The following MAGEF1 variants were observed in gnomAD, a reference collection of about 807,000 sequenced individuals.
MAGEF1 encodes MAGE family member F1, also known as melanoma-associated antigen F1.
For synonymous variants in MAGEF1, 150 were observed against 163.6 expected (o/e 0.92, Z 0.63); for missense variants, 418 against 399.5 (o/e 1.05, Z -0.39).
In MAGEF1 at chr3:184,711,549, G is replaced by C. The variant is rs755644933; in HGVS notation, c.273C>G (p.Asp91Glu). The change falls in exon 1 of 1, where the codon GAC (aspartate) becomes GAG (glutamate). Residue 91 changes from aspartate to glutamate, a missense_variant. By Grantham distance (45) the Asp-to-Glu change is conservative. Transcript: ENST00000317897. ...AELVQFLLVK[D>E]KKKSPITRSE... is the part of the protein sequence containing the mutation. The stretch of plus-strand genomic sequence containing the variant: ...AGCGTGTGATGGGACTCTTCTTCTT[G>C]TCTTTCACCAGGAGGAACTGCACCA... 1 of 1,614,216 alleles carries C rather than the reference G, an allele frequency of 6.2e-7. No homozygotes were observed. Among genetic ancestry groups the C allele is most frequent in the Admixed American group, 1.7e-5 (1 of 60,028 alleles).
In MAGEF1 at chr3:184,710,835, A is replaced by G. The variant is rs1712192451; in HGVS notation, c.*63T>C. ...ATAAGACCCTCGCCCCACCCATATT[A>G]CTTATGACTCAGGACAGTAGTTCGT... is the stretch of plus-strand genomic sequence containing the variant. On this transcript the variant is annotated 3_prime_UTR_variant, in exon 1 of 1. Transcript: ENST00000317897. 6.7e-7 allele frequency: 1 copy of G among 1,486,794 alleles called. No individual in the cohort carries two copies. Among genetic ancestry groups the G allele is most frequent in the Non-Finnish European group, 8.9e-7 (1 of 1,117,996 alleles). 92.1% of individuals were successfully genotyped at this position (1,486,794 alleles called of 1,614,324 possible). A position where few individuals can be genotyped will look rare whatever the true frequency, so the allele number is the denominator to read the frequency against.
At position 184,711,688 on chromosome 3, in the gene MAGEF1, C is replaced by T; in HGVS notation, c.134G>A (p.Arg45Lys). The T allele has an allele frequency of 1.3e-6, 2 of 1,577,446 alleles. No individual in the cohort carries two copies. The highest frequency in any genetic ancestry group is 1.7e-6 in the Non-Finnish European group (2 of 1,164,408). ...GGCGGGCTCCGCAGCCCCCTCCTCCCTCCCGGCGCCAAGCTCCTCCTTGGG... is the reference window on the plus strand; with the variant it reads ...GGCGGGCTCCGCAGCCCCCTCCTCCTTCCCGGCGCCAAGCTCCTCCTTGGG... ...ERPKEELGAG[R>K]EEGAAEPALT... Residue 45 changes from arginine to lysine, a missense_variant, in exon 1 of 1, where the codon AGG (arginine) becomes AAG (lysine). Transcript: ENST00000317897.
Position 184,711,921 on chromosome 3 carries a change from G to A in MAGEF1, c.-100C>T, listed in dbSNP as rs2108474577. The A allele has an allele frequency of 7.1e-7, 1 of 1,406,506 alleles. No homozygotes were observed. The allele number at this position is 1,406,506 out of a possible 1,614,324, so 87.1% of individuals were successfully genotyped here. A position where few individuals can be genotyped will look rare whatever the true frequency, so the allele number is the denominator to read the frequency against. ...GGGGTTGGACAGCGGCAGTGACGGCGGGAGTACAAGGAGCAATGGCAGCGG... is the reference window on the plus strand; with the variant it reads ...GGGGTTGGACAGCGGCAGTGACGGCAGGAGTACAAGGAGCAATGGCAGCGG... On this transcript the variant is annotated 5_prime_UTR_variant, in exon 1 of 1. Coordinates refer to ENST00000317897, the MANE Select transcript of MAGEF1 (RefSeq NM_022149.5).
rs1577592364 is a variant in MAGEF1 at position 184,711,828 on chromosome 3, G to C, written c.-7C>G. 6.7e-7 allele frequency: 1 copy of C among 1,499,998 alleles called. No homozygotes were observed. The highest frequency in any genetic ancestry group is 8.9e-7 in the Non-Finnish European group (1 of 1,127,460). 92.9% of individuals were successfully genotyped at this position (1,499,998 alleles called of 1,614,324 possible). ...TCTCTGGTGTCTGCAACATGTTTTC[G>C]GGCAGGCAGGTGCAGAGCGCGTACA... On this transcript the variant is annotated 5_prime_UTR_variant, in exon 1 of 1. Transcript: ENST00000317897.
rs750118538 is a variant in MAGEF1 at position 184,711,720 on chromosome 3, C to G, written c.102G>C (p.Gln34His). 2.6e-6 allele frequency: 4 copies of G among 1,541,190 alleles called. No homozygotes were observed. In the Admixed American group the frequency reaches 8.3e-5, roughly 32 times the overall value. ...CGCCAAGCTCCTCCTTGGGGCGCTCCTGCGAGGCGGTCGGGGCCCGGGTCT... is the reference window on the plus strand; with the variant it reads ...CGCCAAGCTCCTCCTTGGGGCGCTCGTGCGAGGCGGTCGGGGCCCGGGTCT... ...DGETRAPTAS[Q>H]ERPKEELGAG... Residue 34 changes from glutamine to histidine, a missense_variant, in exon 1 of 1, where the codon CAG becomes CAC. Transcript: ENST00000317897.
chr3:184,711,676 G>A lies in MAGEF1; in HGVS notation c.146C>T (p.Ala49Val). The change falls in exon 1 of 1, where the codon GCT (alanine) becomes GTT (valine). Residue 49 changes from alanine to valine, a missense_variant. By Grantham distance (64) the Ala-to-Val change is moderately conservative. Transcript: ENST00000317897. The stretch of plus-strand genomic sequence containing the variant: ...TTTCCGGGTGAGGGCGGGCTCCGCA[G>A]CCCCCTCCTCCCTCCCGGCGCCAAG... ...EELGAGREEG[A>V]AEPALTRKGA... 6.3e-7 allele frequency: 1 copy of A among 1,590,980 alleles called. No individual in the cohort carries two copies.
At position 184,712,025 on chromosome 3, in the gene MAGEF1, C is replaced by T. The variant is rs1712245780; in HGVS notation, c.-204G>A. The T allele has an allele frequency of 1.0e-6, 1 of 982,132 alleles. No homozygotes were observed. The allele number at this position is 982,132 out of a possible 1,614,324, so 60.8% of individuals were successfully genotyped here. The stretch of plus-strand genomic sequence containing the variant: ...CGCCGCCAGCAGCCGGAACCTGCGG[C>T]GCGCAGCCTCAGTCCGCGCCCGCGC... On this transcript the variant is annotated 5_prime_UTR_variant, in exon 1 of 1. Transcript: ENST00000317897.
chr3:184,711,296 G>A lies in MAGEF1; in HGVS notation c.526C>T (p.Leu176Phe). ...RLGLLMMILGLIYMRGNSARE... is the reference protein window; with the variant it reads ...RLGLLMMILGFIYMRGNSARE... Reference sequence around the variant, plus strand: ...GCGCTATTACCTCTCATATAGATAAGGCCCAGGATCATCATTAACAGACCC... The same window carrying A: ...GCGCTATTACCTCTCATATAGATAAAGCCCAGGATCATCATTAACAGACCC... Residue 176 changes from leucine to phenylalanine, a missense_variant, in exon 1 of 1, where the codon CTT (leucine) becomes TTT (phenylalanine). Transcript: ENST00000317897. 1.2e-6 allele frequency: 2 copies of A among 1,613,932 alleles called. No individual in the cohort carries two copies. Among genetic ancestry groups the A allele is most frequent in the Non-Finnish European group, 1.7e-6 (2 of 1,179,980 alleles).
rs750433598 is a variant in MAGEF1, at chr3:184,710,908, T to C, written c.914A>G (p.His305Arg). 36 of 1,571,544 alleles carry C rather than the reference T, an allele frequency of 2.3e-5. No homozygotes were observed. Among genetic ancestry groups the C allele is most frequent in the Non-Finnish European group, 3.1e-5 (36 of 1,156,114 alleles). Reference sequence around the variant, plus strand: ...ACTTTTCACCAACCCTCACCAGAGGTGGATGCCGGCCCTAGCACTGGCCCT... The same window carrying C: ...ACTTTTCACCAACCCTCACCAGAGGCGGATGCCGGCCCTAGCACTGGCCCT... ...RARASARAGI[H>R]LW is the part of the protein sequence containing the mutation. Residue 305 changes from histidine to arginine, a missense_variant, in exon 1 of 1, where the codon CAC becomes CGC. Transcript: ENST00000317897.
At position 184,710,682 on chromosome 3, in the gene MAGEF1, A is replaced by T; in HGVS notation, c.*216T>A. 2 of 699,768 alleles carry T rather than the reference A, an allele frequency of 2.9e-6. No homozygotes were observed. Among genetic ancestry groups the T allele is most frequent in the Non-Finnish European group, 4.1e-6 (2 of 484,060 alleles). The allele number at this position is 699,768 out of a possible 1,614,324, so 43.3% of individuals were successfully genotyped here. ...CATTTTACAAAACCAGCAAAACTCTACAATAAAATCCTACAGGAAAAAGTA... is the reference window on the plus strand; with the variant it reads ...CATTTTACAAAACCAGCAAAACTCTTCAATAAAATCCTACAGGAAAAAGTA... On this transcript the variant is annotated 3_prime_UTR_variant, in exon 1 of 1. Transcript: ENST00000317897.
At position 184,711,740 on chromosome 3, in the gene MAGEF1, G is replaced by A. The variant is rs1352965709; in HGVS notation, c.82C>T (p.Arg28Trp). The A allele has an allele frequency of 3.3e-6, 5 of 1,528,102 alleles. No individual in the cohort carries two copies. In the Admixed American group the frequency reaches 6.6e-5, roughly 20 times the overall value. The allele number at this position is 1,528,102 out of a possible 1,614,324, so 94.7% of individuals were successfully genotyped here. ...CGCTCCTGCGAGGCGGTCGGGGCCC[G>A]GGTCTCACCATCATGGCCGCCATCC... Reference protein sequence around the residue: ...EKDGGHDGETRAPTASQERPK... With the variant: ...EKDGGHDGETWAPTASQERPK... The change falls in exon 1 of 1, where the codon CGG becomes TGG. Residue 28 changes from arginine to tryptophan, a missense_variant. Physicochemically the swap from Arg to Trp is moderately radical, Grantham distance 101. Coordinates refer to ENST00000317897, the MANE Select transcript of MAGEF1 (RefSeq NM_022149.5).
At chr3:184,711,182 TA>T in the MAGEF1 span, 1 of 1,614,202 alleles carries the variant, frequency 6.2e-7, no homozygotes, top group Non-Finnish European at 8.5e-7. Context: ...TCTTCCATAA[TA>T]AGCCTCTTCG....
chr3:184,711,741 G>T lies in MAGEF1; in HGVS notation c.81C>A (p.Thr27=). 1 of 1,528,506 alleles carries T rather than the reference G, an allele frequency of 6.5e-7. No individual in the cohort carries two copies. The allele number at this position is 1,528,506 out of a possible 1,614,324, so 94.7% of individuals were successfully genotyped here. A position where few individuals can be genotyped will look rare whatever the true frequency, so the allele number is the denominator to read the frequency against. ...GCTCCTGCGAGGCGGTCGGGGCCCG[G>T]GTCTCACCATCATGGCCGCCATCCT... ...GEKDGGHDGE[T]RAPTASQERP... The change falls in exon 1 of 1, where the codon ACC becomes ACA. Residue 27 remains threonine (T), a synonymous_variant. Transcript: ENST00000317897.
chr3:184,711,429 A>T lies in MAGEF1; in HGVS notation c.393T>A (p.Phe131Leu). Residue 131 changes from phenylalanine to leucine, a missense_variant, in exon 1 of 1, where the codon TTT (phenylalanine) becomes TTA (leucine). Transcript: ENST00000317897. ...GCTTGCGGTCAAACTGTTTCAGCTC[A>T]AAACCAAAGACATACCGCAGATGCT... ...AAEHLRYVFG[F>L]ELKQFDRKHH... 1 of 1,614,214 alleles carries T rather than the reference A, an allele frequency of 6.2e-7. No homozygotes were observed. The highest frequency in any genetic ancestry group is 8.5e-7 in the Non-Finnish European group (1 of 1,180,040).
rs1463544090 is a variant in MAGEF1 at position 184,710,966 on chromosome 3, C to T, written c.856G>A (p.Ala286Thr). The T allele has an allele frequency of 4.3e-6, 7 of 1,614,114 alleles. No individual in the cohort carries two copies. The highest frequency in any genetic ancestry group is 5.9e-6 in the Non-Finnish European group (7 of 1,179,950). The change falls in exon 1 of 1, where the codon GCC becomes ACC. Residue 286 changes from alanine (A) to threonine (T), a missense_variant. Physicochemically the swap from Ala to Thr is moderately conservative, Grantham distance 58. Coordinates refer to ENST00000317897, the MANE Select transcript of MAGEF1 (RefSeq NM_022149.5). ...ALADEADRAR[A>T]KARAEASMRA... ...ATACTGGCTTCAGCTCTGGCCTTGG[C>T]TCTGGCCCTGTCGGCCTCGTCTGCT...
At position 184,711,710 on chromosome 3, in the gene MAGEF1, T is replaced by C. The variant is rs1307870528; in HGVS notation, c.112A>G (p.Lys38Glu). The change falls in exon 1 of 1, where the codon AAG becomes GAG. Residue 38 changes from lysine (K) to glutamate (E), a missense_variant. Coordinates refer to ENST00000317897, the MANE Select transcript of MAGEF1 (RefSeq NM_022149.5). Reference sequence around the variant, plus strand: ...TCCCTCCCGGCGCCAAGCTCCTCCTTGGGGCGCTCCTGCGAGGCGGTCGGG... The same window carrying C: ...TCCCTCCCGGCGCCAAGCTCCTCCTCGGGGCGCTCCTGCGAGGCGGTCGGG... ...RAPTASQERP[K>E]EELGAGREEG... The C allele has an allele frequency of 2.6e-6, 4 of 1,553,402 alleles. No homozygotes were observed. In the South Asian group the frequency reaches 3.7e-5, roughly 14 times the overall value.
At position 184,710,824 on chromosome 3, in the gene MAGEF1, C is replaced by T; in HGVS notation, c.*74G>A. The T allele has an allele frequency of 8.9e-6, 13 of 1,454,574 alleles. No individual in the cohort carries two copies. Among genetic ancestry groups the T allele is most frequent in the Non-Finnish European group, 1.0e-5 (11 of 1,101,566 alleles). The allele number at this position is 1,454,574 out of a possible 1,614,324, so 90.1% of individuals were successfully genotyped here. A position where few individuals can be genotyped will look rare whatever the true frequency, so the allele number is the denominator to read the frequency against. ...TTTCTACAGAAATAAGACCCTCGCC[C>T]CACCCATATTACTTATGACTCAGGA... On this transcript the variant is annotated 3_prime_UTR_variant, in exon 1 of 1. Transcript: ENST00000317897.
chr3:184,711,873 G>A lies in MAGEF1; in HGVS notation c.-52C>T. On this transcript the variant is annotated 5_prime_UTR_variant, in exon 1 of 1. Transcript: ENST00000317897. ...CGTACACGGGCCGAGGGGTGTGGGA[G>A]CCGCCGCGCAAGCCCCGGGGGAGGG... is the stretch of plus-strand genomic sequence containing the variant. 3 of 1,439,218 alleles carry A rather than the reference G, an allele frequency of 2.1e-6. No individual in the cohort carries two copies. In the East Asian group the frequency reaches 7.6e-5, roughly 36 times the overall value. The allele number at this position is 1,439,218 out of a possible 1,614,324, so 89.2% of individuals were successfully genotyped here. A position where few individuals can be genotyped will look rare whatever the true frequency, so the allele number is the denominator to read the frequency against.
chr3:184,711,144 G>A lies in MAGEF1; in HGVS notation c.678C>T (p.Tyr226=), dbSNP rs1040157763. 6.2e-7 allele frequency: 1 copy of A among 1,614,098 alleles called. No homozygotes were observed. The highest frequency in any genetic ancestry group is 8.5e-7 in the Non-Finnish European group (1 of 1,180,030). ...EDFVQQRYLS[Y]RRVPHTNPPE... ...GTGGATTGGTGTGAGGCACCCGCCT[G>A]TAACTGAGATATCGCTGCTGCACAA... The change falls in exon 1 of 1, where the codon TAC becomes TAT. Residue 226 remains tyrosine, a synonymous_variant. Transcript: ENST00000317897.
Sources: allele counts gnomAD v4.1 joint callset, GRCh38; gene constraint gnomAD v4.1.1; transcripts MANE v1.5; gene names NCBI Gene and HGNC (gene_info 2026-07-23, HGNC 2026-07-21).